SGK1: variants seen among roughly 807,000 people sequenced by gnomAD.
SGK1 encodes the protein serine/threonine-protein kinase Sgk1.
A neutral mutation model predicts 64.2 loss-of-function variants in SGK1; 26 were observed. That is an observed-to-expected ratio of 0.40 (90% confidence interval 0.30 to 0.56). The LOEUF (loss-of-function observed/expected upper bound fraction) is 0.56. Ranked by LOEUF, SGK1 falls within the 20% of genes least tolerant of loss-of-function variation. The probability of loss-of-function intolerance (pLI) is 0.38; values close to 1 mark genes in which losing one functional copy is unlikely to be tolerated. For synonymous variants in SGK1, 265 were observed against 239.7 expected, an observed-to-expected ratio of 1.11 and a Z score of -0.98; for missense variants, 519 against 645.6, an observed-to-expected ratio of 0.80 and a Z score of 2.12.
At chr6:134,207,241 C>A in intron 3 of SGK1, 115 bp downstream of exon 3, 1 of 728,566 alleles carries the variant, frequency 1.4e-6, no homozygotes, top group South Asian at 1.8e-5. Flanking sequence ...AAACAAAAAA[C>A]AAAAAACAAA....
At chr6:134,262,297 C>A in intron 1 of SGK1, 149 bp from the exon 2 acceptor site, 1 of 587,808 alleles carries the variant, frequency 1.7e-6, no homozygotes, top group Non-Finnish European at 3.0e-6. Context: ...CAACACAATT[C>A]GAATTGGTCA....
chr6:134,240,915 G>A (rs1380666765), intron 2 of SGK1, among the ~76,000 whole-genome samples: 1 of 152,136 alleles, frequency 6.6e-6, no homozygotes. Context: ...CCGAACTCTT[G>A]GCTCTGAGCC....
chr6:134,174,790 C>T (rs757603367), intron 3 of SGK1: 3 of 1,614,202 alleles, frequency 1.9e-6, no homozygotes, highest in Non-Finnish European at 2.5e-6. Context: ...CCTTAGCAGC[C>T]TCAGTTTTCA....
intron 1 of SGK1, among the ~76,000 whole-genome samples, chr6:134,288,568 C>T (rs1167528580): frequency 1.3e-5 from 2 of 152,132 alleles, no homozygotes; most frequent in Non-Finnish European, 2.9e-5. Flanking sequence ...CCTCAGAGGT[C>T]TCTGAACAAA....
intron 2 of SGK1, among the ~76,000 whole-genome samples, chr6:134,207,757 G>A (rs1398531637): frequency 6.6e-6 from 1 of 152,230 alleles, no homozygotes; most frequent in Non-Finnish European, 1.5e-5. Flanking sequence ...ACAGCCGTAT[G>A]AAGAGGCCCT....
chr6:134,190,028 T>G (rs573490280), intron 3 of SGK1, among the ~76,000 whole-genome samples: 7 of 152,206 alleles, frequency 4.6e-5, no homozygotes, highest in Non-Finnish European at 8.8e-5. Context: ...TTTTGTATTT[T>G]TAGTAGAGAC....
At chr6:134,272,131 C>A (rs1482392877) in intron 1 of SGK1, among the ~76,000 whole-genome samples, 1 of 130,832 alleles carries the variant, frequency 7.6e-6, no homozygotes, top group Non-Finnish European at 1.6e-5. Flanking sequence ...CATGAGCCAC[C>A]GTGCCCAGCC....
At chr6:134,226,040 G>C (rs1360336460) in intron 2 of SGK1, among the ~76,000 whole-genome samples, 3 of 152,080 alleles carry the variant, frequency 2.0e-5, no homozygotes, top group African/African-American at 7.2e-5. Flanking sequence ...TAAGCCCGGG[G>C]AGGCTGAGGC....
At chr6:134,174,748 C>T (rs1411409008) in intron 3 of SGK1, 162 bp from the exon 4 acceptor site, 1 of 1,614,222 alleles carries the variant, frequency 6.2e-7, no homozygotes, top group Admixed American at 1.7e-5. Context: ...GAATTGCCAC[C>T]ATGCCCCTCA....
intron 1 of SGK1, among the ~76,000 whole-genome samples, chr6:134,263,318 T>C (rs1249400319): frequency 6.6e-6 from 1 of 152,062 alleles, no homozygotes; most frequent in Non-Finnish European, 1.5e-5. Flanking sequence ...CTCACTGCAG[T>C]CTTGAACTGC....
chr6:134,298,649 G>C, intron 1 of SGK1: 2 of 1,336,186 alleles, frequency 1.5e-6, no homozygotes, highest in East Asian at 2.4e-5. Context: ...AGGCCCGGGG[G>C]CCAGAGATGG....
intron 1 of SGK1, among the ~76,000 whole-genome samples, chr6:134,265,772 A>C (rs1190071343): frequency 6.7e-6 from 1 of 150,152 alleles, no homozygotes; most frequent in Non-Finnish European, 1.5e-5. Context: ...TTAAAAGAAT[A>C]ATATTTTATC....
intron 2 of SGK1, among the ~76,000 whole-genome samples, chr6:134,226,411 G>A (rs940212917): frequency 6.6e-6 from 1 of 151,230 alleles, no homozygotes; most frequent in African/African-American, 2.4e-5. Context: ...TTTTTAAATA[G>A]AGACGGGGCC....
At chr6:134,200,497 C>T (rs1020962819) in intron 3 of SGK1, among the ~76,000 whole-genome samples, 2 of 152,184 alleles carry the variant, frequency 1.3e-5, no homozygotes, top group East Asian at 1.9e-4. Flanking sequence ...CCAGATTTCA[C>T]GTAATGAAAC....
chr6:134,177,246 C>A (rs1302090535), intron 3 of SGK1, among the ~76,000 whole-genome samples: 15 of 151,706 alleles, frequency 9.9e-5, no homozygotes, highest in Non-Finnish European at 2.2e-4. Context: ...AAAACAAAAA[C>A]AAAAACAAAA....
At position 134,174,577 on chromosome 6, in the gene SGK1, T is replaced by C. The variant is rs1304030749; in HGVS notation, c.371A>G (p.Lys124Arg). ...GTCGTTCAGACCCATCCTCCTCTGC[T>C]TCATGAAAGCTGTGGATGAAGGAGG... is the stretch of plus-strand genomic sequence containing the variant. ...FWTNDDPAFM[K>R]QRRMGLNDFI... is the part of the protein sequence containing the mutation. Residue 124 changes from lysine (K) to arginine (R), a missense_variant, in exon 4 of 14, where the codon AAG (lysine) becomes AGG (arginine). By Grantham distance (26) the Lys-to-Arg change is conservative (BLOSUM62 2). This residue lies in a region of SGK1 where 241 missense variants were observed against 236.9 expected (regional missense o/e 1.02). Coordinates refer to ENST00000367858, the MANE Select transcript of SGK1 (RefSeq NM_001143676.3). The C allele has an allele frequency of 1.2e-6, 2 of 1,613,878 alleles. No homozygotes were observed. Among genetic ancestry groups the C allele is most frequent in the Non-Finnish European group, 1.7e-6 (2 of 1,179,730 alleles).
chr6:134,285,002 G>T (rs186216629), intron 1 of SGK1, among the ~76,000 whole-genome samples: 104 of 152,326 alleles, frequency 6.8e-4, no homozygotes, highest in Admixed American at 8.5e-4. Flanking sequence ...AAATATGCAT[G>T]TTCATGTGTC....
intron 2 of SGK1, among the ~76,000 whole-genome samples, chr6:134,241,905 C>A (rs989141508): frequency 6.6e-6 from 1 of 151,978 alleles, no homozygotes; most frequent in Non-Finnish European, 1.5e-5. Context: ...CAGGCATGAG[C>A]CACCGTGCCC....
chr6:134,171,919 AG>A lies in SGK1; in HGVS notation c.1072-188del, dbSNP rs1775040546. ...TGGCTACCTATGTGTACTGACATTTAGGAAACTGCTGGGCACTTGATATCTC... is the reference window on the plus strand; with the variant it reads ...TGGCTACCTATGTGTACTGACATTTAGAAACTGCTGGGCACTTGATATCTC... On this transcript the variant is annotated intron_variant, in intron 10 of 13. Coordinates refer to ENST00000367858, the MANE Select transcript of SGK1 (RefSeq NM_001143676.3). The A allele has an allele frequency of 6.5e-6, 4 of 617,166 alleles. No individual in the cohort carries two copies. The South Asian group carries it at 8.1e-5, about 13-fold the overall frequency. 38.2% of individuals were successfully genotyped at this position (617,166 alleles called of 1,614,324 possible).
Sources: gnomAD v4.1 joint callset for allele counts (sites outside exome capture counted in the v4.1 genomes callset) on GRCh38, gnomAD v4.1.1 for gene constraint, gnomAD v4.1.1 regional missense constraint, MANE v1.5 for transcripts, NCBI Gene and HGNC (gene_info 2026-07-23, HGNC 2026-07-21) for gene names.